ATP8B2: variants seen among roughly 807,000 people sequenced by gnomAD.
The protein encoded by ATP8B2 is ATPase phospholipid transporting 8B2.
In ATP8B2, 70 loss-of-function variants were observed where a neutral mutation model predicts 133.4. The ratio of observed to expected loss-of-function variants is 0.52; its 90% confidence interval spans 0.43 to 0.64. The LOEUF (loss-of-function observed/expected upper bound fraction) is 0.64, where lower values mean the gene tolerates loss of function less well. Ranked by LOEUF, ATP8B2 falls within the 30% of genes least tolerant of loss-of-function variation. ATP8B2 has a pLI of 0.00. For missense variants in ATP8B2, 1,101 were observed against 1,535.7 expected, an observed-to-expected ratio of 0.72 and a Z score of 4.73; for synonymous variants, 517 against 589.5, an observed-to-expected ratio of 0.88 and a Z score of 1.78.
intron 1 of ATP8B2, among the ~76,000 whole-genome samples, chr1:154,326,560 C>G (rs976741550): frequency 6.6e-6 from 1 of 152,270 alleles, no homozygotes; most frequent in Non-Finnish European, 1.5e-5. Flanking sequence ...ATCCCAGTTC[C>G]CAGGTCTCTC....
In ATP8B2 at chr1:154,351,020, G is replaced by C. The variant is rs183928676; in HGVS notation, c.*1902G>C. ...AGTTTACAAACCCAGTATCATGTCT[G>C]TCTGTGTGTCTCTCAAGGTGAGAGT... is the stretch of plus-strand genomic sequence containing the variant. On this transcript the variant is annotated 3_prime_UTR_variant, in exon 28 of 28. Coordinates refer to ENST00000368489, the MANE Select transcript of ATP8B2 (RefSeq NM_001370597.1). 12 of 152,382 alleles carry C rather than the reference G, an allele frequency of 7.9e-5. No homozygotes were observed. Among genetic ancestry groups the C allele is most frequent in the Non-Finnish European group, 1.3e-4 (9 of 67,990 alleles). 9.4% of individuals were successfully genotyped at this position (152,382 alleles called of 1,614,324 possible).
chr1:154,331,229 C>A lies in ATP8B2; in HGVS notation c.303+83C>A. On this transcript the variant is annotated intron_variant, in intron 5 of 27. Coordinates refer to ENST00000368489, the MANE Select transcript of ATP8B2 (RefSeq NM_001370597.1). This position sits in a 1 kb window ranked among gnomAD's most constrained non-coding sequence, Gnocchi z 4.8. ...ACCCCCATCTCATGGCCACCTTCAT[C>A]CAGCACAATTTCTTGGTGACCTTGA... The A allele has an allele frequency of 8.0e-7, 1 of 1,254,988 alleles. No homozygotes were observed. The highest frequency in any genetic ancestry group is 1.1e-6 in the Non-Finnish European group (1 of 888,720). 77.7% of individuals were successfully genotyped at this position (1,254,988 alleles called of 1,614,324 possible).
Position 154,331,155 on chromosome 1 carries a change from T to G in ATP8B2, c.303+9T>G. On this transcript the variant is annotated intron_variant, in intron 5 of 27. Transcript: ENST00000368489. The surrounding 1 kb of genome is among the most constrained non-coding windows in gnomAD (Gnocchi z 4.8). Reference sequence around the variant, plus strand: ...ATGCCACTGATGACTATGTGAGTGGTTTTCATTCTTCTATTTTGTCCCAGT... The same window carrying G: ...ATGCCACTGATGACTATGTGAGTGGGTTTCATTCTTCTATTTTGTCCCAGT... The G allele has an allele frequency of 6.2e-7, 1 of 1,610,170 alleles. No homozygotes were observed.
Position 154,345,654 on chromosome 1 carries a change from A to G in ATP8B2, c.2694+109A>G, listed in dbSNP as rs1045024586. On this transcript the variant is annotated intron_variant, in intron 23 of 27. Coordinates refer to ENST00000368489, the MANE Select transcript of ATP8B2 (RefSeq NM_001370597.1). The surrounding 1 kb of genome is among the most constrained non-coding windows in gnomAD (Gnocchi z 5.6). ...AGGGCCTAGCTATTTTCTGGTACAT[A>G]CTCTTAAAAAATGCTTATTAAAGGA... 1 of 1,324,216 alleles carries G rather than the reference A, an allele frequency of 7.6e-7. No homozygotes were observed. The highest frequency in any genetic ancestry group is 1.1e-6 in the Non-Finnish European group (1 of 941,256). 82.0% of individuals were successfully genotyped at this position (1,324,216 alleles called of 1,614,324 possible). A position where few individuals can be genotyped will look rare whatever the true frequency, so the allele number is the denominator to read the frequency against.
chr1:154,341,138 C>CTTAACATTGGTTTT (rs1686367746), intron 13 of ATP8B2, 76 bp downstream of exon 13: 1 of 1,481,002 alleles, frequency 6.8e-7, no homozygotes, highest in Non-Finnish European at 9.3e-7. Context: ...CCACAGTTTC[C>CTTAACATTGGTTTT]TTAACATTGG....
intron 13 of ATP8B2, 70 bp downstream of exon 13, chr1:154,341,132 A>G (rs755990772): frequency 2.0e-6 from 3 of 1,515,130 alleles, no homozygotes; most frequent in Non-Finnish European, 1.8e-6. Context: ...GGGGCCCCAC[A>G]GTTTCCTTAA....
rs902365914 is a variant in ATP8B2 at position 154,328,638 on chromosome 1, C to T, written c.31+466C>T. On this transcript the variant is annotated intron_variant, in intron 2 of 27. Transcript: ENST00000368489. This position sits in a 1 kb window ranked among gnomAD's most constrained non-coding sequence, Gnocchi z 4.6. The stretch of plus-strand genomic sequence containing the variant: ...GGGGTGGGAGGGGAGGCGGGGCTCG[C>T]GCGCGAGCTTTCGCCTACGCGGCGC... Among the ~76,000 whole-genome samples the T allele has an allele frequency of 6.6e-6, 1 of 152,056 alleles. No individual in the cohort carries two copies. Among genetic ancestry groups the T allele is most frequent in the East Asian group, 1.9e-4 (1 of 5,172 alleles).
At chr1:154,337,662 T>G (rs1489513609) in intron 12 of ATP8B2, 118 bp downstream of exon 12, 8 of 1,604,632 alleles carry the variant, frequency 5.0e-6, no homozygotes, top group Non-Finnish European at 6.8e-6. Flanking sequence ...CTTCCTGTAC[T>G]GTAAACATTT....
In ATP8B2 at chr1:154,346,875, T is replaced by A; in HGVS notation, c.3163+117T>A. 1 of 1,055,938 alleles carries A rather than the reference T, an allele frequency of 9.5e-7. No individual in the cohort carries two copies. The highest frequency in any genetic ancestry group is 1.3e-6 in the Non-Finnish European group (1 of 777,286). 65.4% of individuals were successfully genotyped at this position (1,055,938 alleles called of 1,614,324 possible). On this transcript the variant is annotated intron_variant, in intron 26 of 27. Transcript: ENST00000368489. The surrounding 1 kb of genome is among the most constrained non-coding windows in gnomAD (Gnocchi z 4.5). ...TTATGTGCCAAGTATTCTGTTTATT[T>A]TATTTATTTATTTATTTATTTTCGA...
intron 12 of ATP8B2, among the ~76,000 whole-genome samples, chr1:154,338,304 T>C (rs760689946): frequency 3.3e-5 from 5 of 152,198 alleles, no homozygotes; most frequent in Admixed American, 6.5e-5. Flanking sequence ...GAAACATAGC[T>C]TGCTCCTGAT....
chr1:154,340,681 G>C lies in ATP8B2; in HGVS notation c.1035-173G>C. The stretch of plus-strand genomic sequence containing the variant: ...CGGGGCGTTCCTCTGCTGGCTGTGT[G>C]CAGCCGGCTCCACCTTCAGGCTCTC... On this transcript the variant is annotated intron_variant, in intron 12 of 27. Coordinates refer to ENST00000368489, the MANE Select transcript of ATP8B2 (RefSeq NM_001370597.1). This position sits in a 1 kb window ranked among gnomAD's most constrained non-coding sequence, Gnocchi z 4.0. The C allele has an allele frequency of 1.6e-6, 1 of 644,284 alleles. No individual in the cohort carries two copies. 39.9% of individuals were successfully genotyped at this position (644,284 alleles called of 1,614,324 possible).
Position 154,346,366 on chromosome 1 carries a change from C to T in ATP8B2, c.2914C>T (p.Pro972Ser), listed in dbSNP as rs1471642319. Residue 972 changes from proline to serine, a missense_variant, in exon 25 of 28, where the codon CCC (proline) becomes TCC (serine). Coordinates refer to ENST00000368489, the MANE Select transcript of ATP8B2 (RefSeq NM_001370597.1). The surrounding 1 kb of genome is among the most constrained non-coding windows in gnomAD (Gnocchi z 4.5). The stretch of plus-strand genomic sequence containing the variant: ...CACCTCCGTGCTCATGTTCTTCATT[C>T]CCTATGGGGTGTTTGCTGATGCCAC... ...IYTSVLMFFI[P>S]YGVFADATRD... 1.2e-6 allele frequency: 2 copies of T among 1,614,086 alleles called. No homozygotes were observed. Among genetic ancestry groups the T allele is most frequent in the East Asian group, 2.2e-5 (1 of 44,892 alleles).
At chr1:154,332,507 A>C in intron 8 of ATP8B2, 111 bp from the exon 9 acceptor site, 1 of 819,740 alleles carries the variant, frequency 1.2e-6, no homozygotes, top group Non-Finnish European at 2.0e-6. Context: ...TTAGTGAGCT[A>C]TGATTGTGCG....
Position 154,346,239 on chromosome 1 carries a change from C to G in ATP8B2, c.2787C>G (p.Pro929=). Residue 929 remains proline (P), a synonymous_variant, in exon 25 of 28, where the codon CCC becomes CCG. Transcript: ENST00000368489. The surrounding 1 kb of genome is among the most constrained non-coding windows in gnomAD (Gnocchi z 4.5). ...ATGGTCCTCCCACACAGGATGTCCC[C>G]GAGCAGCGGAGCATGGAGTACCCTA... ...LAMGVFDQDV[P]EQRSMEYPKL... The G allele has an allele frequency of 6.2e-7, 1 of 1,613,712 alleles. No individual in the cohort carries two copies. Among genetic ancestry groups the G allele is most frequent in the Non-Finnish European group, 8.5e-7 (1 of 1,179,934 alleles).
At position 154,343,483 on chromosome 1, in the gene ATP8B2, A is replaced by G. The variant is rs750443105; in HGVS notation, c.1673A>G (p.Tyr558Cys). ...AATCCAGAGGGGAAGATCCGACTCTACTGCAAAGGGGCTGACACTATCCTA... is the reference window on the plus strand; with the variant it reads ...AATCCAGAGGGGAAGATCCGACTCTGCTGCAAAGGGGCTGACACTATCCTA... Reference protein sequence around the residue: ...VRNPEGKIRLYCKGADTILLD... With the variant: ...VRNPEGKIRLCCKGADTILLD... The change falls in exon 17 of 28, where the codon TAC becomes TGC. Residue 558 changes from tyrosine (Y) to cysteine (C), a missense_variant. Tyr to Cys is a radical substitution (Grantham distance 194). Transcript: ENST00000368489. This position sits in a 1 kb window ranked among gnomAD's most constrained non-coding sequence, Gnocchi z 5.8. 3.7e-6 allele frequency: 6 copies of G among 1,614,052 alleles called. No individual in the cohort carries two copies. Among genetic ancestry groups the G allele is most frequent in the Non-Finnish European group, 4.2e-6 (5 of 1,180,012 alleles).
In ATP8B2 at chr1:154,344,109, A is replaced by G. The variant is rs780463716; in HGVS notation, c.1924-34A>G. Reference sequence around the variant, plus strand: ...TGGGCACGGAGGGCTCATGCCTGCAATTCTTGTGCCAGGAATCCTTGTGGT... The same window carrying G: ...TGGGCACGGAGGGCTCATGCCTGCAGTTCTTGTGCCAGGAATCCTTGTGGT... On this transcript the variant is annotated intron_variant, in intron 18 of 27. Coordinates refer to ENST00000368489, the MANE Select transcript of ATP8B2 (RefSeq NM_001370597.1). This position sits in a 1 kb window ranked among gnomAD's most constrained non-coding sequence, Gnocchi z 4.1. 5.0e-6 allele frequency: 8 copies of G among 1,614,096 alleles called. No homozygotes were observed. Among genetic ancestry groups the G allele is most frequent in the South Asian group, 4.4e-5 (4 of 91,088 alleles).
intron 2 of ATP8B2, among the ~76,000 whole-genome samples, chr1:154,330,062 C>A (rs1685929403): frequency 1.3e-5 from 2 of 152,138 alleles, no homozygotes; most frequent in African/African-American, 4.8e-5. Flanking sequence ...TTAGTAATAG[C>A]AGCAAAAGGG....
intron 26 of ATP8B2, among the ~76,000 whole-genome samples, chr1:154,347,400 G>C (rs990272474): frequency 2.0e-5 from 3 of 152,214 alleles, no homozygotes; most frequent in African/African-American, 7.2e-5. Flanking sequence ...TTATGGGTCA[G>C]AGGAAGAACT....
Position 154,344,415 on chromosome 1 carries a change from T to C in ATP8B2, c.2056T>C (p.Tyr686His), listed in dbSNP as rs1686506610. 1 of 1,614,056 alleles carries C rather than the reference T, an allele frequency of 6.2e-7. No homozygotes were observed. Among genetic ancestry groups the C allele is most frequent in the South Asian group, 1.1e-5 (1 of 91,088 alleles). The stretch of plus-strand genomic sequence containing the variant: ...GGTAGAGACGGCTGTGAACATCGGC[T>C]ATTCCTGCAAGATGCTGACGGATGA... ...DKQETAVNIG[Y>H]SCKMLTDDMT... The change falls in exon 20 of 28, where the codon TAT (tyrosine) becomes CAT (histidine). Residue 686 changes from tyrosine to histidine, a missense_variant. By Grantham distance (83) the Tyr-to-His change is moderately conservative (BLOSUM62 2). Coordinates refer to ENST00000368489, the MANE Select transcript of ATP8B2 (RefSeq NM_001370597.1). The surrounding 1 kb of genome is among the most constrained non-coding windows in gnomAD (Gnocchi z 4.1).
Sources: allele counts gnomAD v4.1 joint callset (sites outside exome capture counted in the v4.1 genomes callset), GRCh38; gene constraint gnomAD v4.1.1; non-coding constraint Gnocchi (gnomAD v3.1); transcripts MANE v1.5; gene names NCBI Gene and HGNC (gene_info 2026-07-23, HGNC 2026-07-21).